Variants in KCNMA1 observed in about 807,000 individuals in gnomAD.
KCNMA1 encodes the protein potassium calcium-activated channel subfamily M alpha 1.
In KCNMA1, 29 loss-of-function variants were observed where a neutral mutation model predicts 140.0. The observed-to-expected ratio is 0.21, with a 90% confidence interval of 0.15 to 0.28. The LOEUF (loss-of-function observed/expected upper bound fraction) is 0.28. Ranked by LOEUF, KCNMA1 falls within the 10% of genes least tolerant of loss-of-function variation. The pLI, the probability that KCNMA1 is intolerant of heterozygous loss-of-function variation, is 1.00. For synonymous variants in KCNMA1, 612 were observed against 611.9 expected (o/e 1.00, Z 0.00); for missense variants, 880 against 1,602.2 (o/e 0.55, Z 7.70).
chr10:77,098,896 T>C (rs1353506461), intron 9 of KCNMA1, among the ~76,000 whole-genome samples: 1 of 152,100 alleles, frequency 6.6e-6, no homozygotes, highest in Non-Finnish European at 1.5e-5. Context: ...CTGCATCTTA[T>C]TCATCCCATT....
intron 1 of KCNMA1, among the ~76,000 whole-genome samples, chr10:77,470,964 C>T (rs1052316486): frequency 2.0e-5 from 3 of 152,058 alleles, no homozygotes; most frequent in African/African-American, 7.3e-5. Flanking sequence ...AGAGGCAGCC[C>T]GGCTCATCCA....
intron 2 of KCNMA1, among the ~76,000 whole-genome samples, chr10:77,387,213 T>G (rs551140340): frequency 5.9e-5 from 9 of 151,930 alleles, no homozygotes; most frequent in Admixed American, 6.5e-5. Context: ...CTAAAGAAAG[T>G]CTCCAGATGG....
At chr10:76,884,114 A>G (rs1231231969), downstream of KCNMA1, 5 of 341,328 alleles carry the variant, frequency 1.5e-5, no homozygotes, top group Admixed American at 6.5e-5. Context: ...CAGACTGTAT[A>G]TAAAACGCAC....
At chr10:77,001,010 C>T (rs990304738) in intron 19 of KCNMA1, among the ~76,000 whole-genome samples, 2 of 151,418 alleles carry the variant, frequency 1.3e-5, no homozygotes, top group Non-Finnish European at 2.9e-5. Flanking sequence ...ACACCCTTTC[C>T]TTCCTCCCTT....
At chr10:77,151,580 C>T (rs1210612732) in intron 5 of KCNMA1, among the ~76,000 whole-genome samples, 2 of 152,130 alleles carry the variant, frequency 1.3e-5, no homozygotes, top group African/African-American at 4.8e-5. Context: ...TGCTAGTGTA[C>T]ACAGAAAACT....
intron 1 of KCNMA1, among the ~76,000 whole-genome samples, chr10:77,599,611 C>T (rs1255383074): frequency 1.3e-5 from 2 of 152,184 alleles, no homozygotes; most frequent in African/African-American, 4.8e-5. Flanking sequence ...TATCTGTCTT[C>T]AGATTAAGTA....
chr10:76,903,713 T>C (rs2046564617), intron 25 of KCNMA1: 1 of 152,252 alleles, frequency 6.6e-6, no homozygotes, highest in Non-Finnish European at 1.5e-5. Context: ...TAGGTTAGCT[T>C]GGACTGATAG....
chr10:77,479,848 T>C (rs138870561), intron 1 of KCNMA1, among the ~76,000 whole-genome samples: 1 of 152,330 alleles, frequency 6.6e-6, no homozygotes, highest in Non-Finnish European at 1.5e-5. Flanking sequence ...GTTTAACCTT[T>C]CACGTGCGTC....
chr10:77,044,547 G>A (rs2094928351), intron 14 of KCNMA1, among the ~76,000 whole-genome samples: 1 of 152,164 alleles, frequency 6.6e-6, no homozygotes, highest in African/African-American at 2.4e-5. Context: ...TACTCAGGAG[G>A]CTGAGGCAGG....
At chr10:77,118,963 A>G (rs918542297) in intron 6 of KCNMA1, among the ~76,000 whole-genome samples, 2 of 152,202 alleles carry the variant, frequency 1.3e-5, no homozygotes, top group African/African-American at 4.8e-5. Context: ...GGCAAAAAGC[A>G]CCCTCTAACA....
intron 2 of KCNMA1, among the ~76,000 whole-genome samples, chr10:77,381,290 A>G (rs991720917): frequency 3.3e-5 from 5 of 152,214 alleles, no homozygotes; most frequent in African/African-American, 1.2e-4. Flanking sequence ...TATATAGTAT[A>G]TTAGAGAATT....
At chr10:77,496,465 C>T (rs1267142217) in intron 1 of KCNMA1, among the ~76,000 whole-genome samples, 2 of 151,786 alleles carry the variant, frequency 1.3e-5, no homozygotes, top group African/African-American at 2.4e-5. Flanking sequence ...GGTGTGGTGG[C>T]GGGCGCCTGT....
chr10:77,056,376 T>C (rs1033245636), intron 14 of KCNMA1, among the ~76,000 whole-genome samples: 2 of 151,836 alleles, frequency 1.3e-5, no homozygotes, highest in African/African-American at 4.8e-5. Context: ...TGAGACTCCA[T>C]CTCAAATAAT....
intron 25 of KCNMA1, chr10:76,902,258 A>G (rs1235162707): frequency 1.3e-5 from 2 of 152,258 alleles, no homozygotes; most frequent in Non-Finnish European, 2.9e-5. Context: ...CAGAAGGCAC[A>G]CATTTTTTTC....
In KCNMA1 at chr10:76,893,559, G is replaced by A. The variant is rs143671259; in HGVS notation, c.3148-1840C>T. Among the ~76,000 whole-genome samples, 993 of 152,068 alleles carry A rather than the reference G, an allele frequency of 6.5e-3. 9 individuals are homozygous for A. Among genetic ancestry groups the A allele is most frequent in the Non-Finnish European group, 9.9e-3 (673 of 68,004 alleles). On this transcript the variant is annotated intron_variant, in intron 25 of 27. Coordinates refer to ENST00000286628, the MANE Select transcript of KCNMA1 (RefSeq NM_001161352.2). ...AGTTGGGACCAGGCTGGCCAACGTG[G>A]TGAATCCTAGTCTCTACTAAAAATA...
chr10:77,275,767 G>C (rs940111309), intron 2 of KCNMA1, among the ~76,000 whole-genome samples: 1 of 152,206 alleles, frequency 6.6e-6, no homozygotes, highest in African/African-American at 2.4e-5. Context: ...AGGTAGAGAG[G>C]TAGATGAGAG....
intron 20 of KCNMA1, among the ~76,000 whole-genome samples, chr10:76,969,757 T>G (rs910494198): frequency 3.3e-5 from 5 of 152,214 alleles, no homozygotes; most frequent in Non-Finnish European, 5.9e-5. Context: ...CAAACTGTTT[T>G]TCATGACAGA....
At chr10:76,898,203 G>C (rs999395716) in intron 25 of KCNMA1, among the ~76,000 whole-genome samples, 1 of 151,348 alleles carries the variant, frequency 6.6e-6, no homozygotes, top group Non-Finnish European at 1.5e-5. Context: ...CTTTAAAAGA[G>C]AAAAAGGGAA....
chr10:76,889,713 A>T, intron 26 of KCNMA1, 144 bp from the exon 27 acceptor site: 1 of 744,456 alleles, frequency 1.3e-6, no homozygotes, highest in Non-Finnish European at 2.4e-6. Context: ...ACGGCAGTGG[A>T]AGAAGTCAAC....
Sources: allele counts gnomAD v4.1 joint callset (sites outside exome capture counted in the v4.1 genomes callset), GRCh38; gene constraint gnomAD v4.1.1; transcripts MANE v1.5; gene names NCBI Gene and HGNC (gene_info 2026-07-23, HGNC 2026-07-21).